The following RIMS2 variants were observed in gnomAD, a reference collection of about 807,000 sequenced individuals.
RIMS2 encodes regulating synaptic membrane exocytosis 2, also known as regulating synaptic membrane exocytosis protein 2.
RIMS2 carries 59 observed loss-of-function variants against 174.4 expected under a neutral mutation model. The observed-to-expected ratio is 0.34, with a 90% confidence interval of 0.27 to 0.42. RIMS2 has a LOEUF of 0.42. Ranked by LOEUF, RIMS2 falls within the 10% of genes least tolerant of loss-of-function variation. RIMS2 has a pLI of 1.00. For synonymous variants in RIMS2, 606 were observed against 572.5 expected, an observed-to-expected ratio of 1.06 and a Z score of -0.84; for missense variants, 1,620 against 1,666.3, an observed-to-expected ratio of 0.97 and a Z score of 0.48.
intron 1 of RIMS2, among the ~76,000 whole-genome samples, chr8:103,546,070 TA>T (rs1301239304): frequency 6.6e-6 from 1 of 151,980 alleles, no homozygotes; most frequent in Non-Finnish European, 1.5e-5. Flanking sequence ...ATGCCTCAGT[TA>T]AAAGGCACAG....
intron 3 of RIMS2, among the ~76,000 whole-genome samples, chr8:103,840,039 T>C (rs113952937): frequency 6.6e-6 from 1 of 152,204 alleles, no homozygotes; most frequent in Admixed American, 6.5e-5. Context: ...ATGTGAAGCT[T>C]ACCGCTTTCT....
At chr8:104,006,061 T>A (rs2095564113) in intron 17 of RIMS2, among the ~76,000 whole-genome samples, 1 of 152,134 alleles carries the variant, frequency 6.6e-6, no homozygotes, top group Non-Finnish European at 1.5e-5. Flanking sequence ...TTTCTCTACA[T>A]TACAAATCAT....
chr8:103,607,257 A>G (rs551776718), intron 1 of RIMS2, among the ~76,000 whole-genome samples: 2 of 152,064 alleles, frequency 1.3e-5, no homozygotes, highest in South Asian at 2.1e-4. Context: ...TCCTTCACTT[A>G]TGAAGCTTAG....
chr8:104,165,828 A>C (rs149948201), intron 19 of RIMS2, among the ~76,000 whole-genome samples: 1 of 152,302 alleles, frequency 6.6e-6, no homozygotes, highest in East Asian at 1.9e-4. Context: ...AAATTTCTAA[A>C]TATCCATTCA....
intron 1 of RIMS2, among the ~76,000 whole-genome samples, chr8:103,639,377 CAT>C (rs1407814440): frequency 2.0e-5 from 3 of 151,830 alleles, no homozygotes; most frequent in Admixed American, 2.0e-4. Flanking sequence ...TTTTGACAAA[CAT>C]GTAATTATCC....
At chr8:104,110,591 T>C (rs570389068) in intron 19 of RIMS2, among the ~76,000 whole-genome samples, 1 of 152,280 alleles carries the variant, frequency 6.6e-6, no homozygotes, top group African/African-American at 2.4e-5. Flanking sequence ...TTTTAAAATA[T>C]TCCAGCTATG....
intron 14 of RIMS2, among the ~76,000 whole-genome samples, chr8:103,959,578 TTTC>T (rs1367843651): frequency 6.6e-6 from 1 of 151,966 alleles, no homozygotes; most frequent in Non-Finnish European, 1.5e-5. Context: ...TAATATTTTT[TTTC>T]TTTTTTTATT....
At chr8:103,701,011 A>G (rs1396518292) in intron 2 of RIMS2, among the ~76,000 whole-genome samples, 1 of 152,024 alleles carries the variant, frequency 6.6e-6, no homozygotes, top group Non-Finnish European at 1.5e-5. Flanking sequence ...TGAGTTTCAA[A>G]TATTAAATAA....
chr8:103,927,722 G>A, intron 10 of RIMS2: 1 of 691,076 alleles, frequency 1.4e-6, no homozygotes, highest in South Asian at 1.7e-5. Flanking sequence ...ATATTGTCAT[G>A]GAAAAATTGT....
chr8:103,627,340 C>G (rs1012655576), intron 1 of RIMS2, among the ~76,000 whole-genome samples: 4 of 152,104 alleles, frequency 2.6e-5, no homozygotes, highest in Non-Finnish European at 5.9e-5. Flanking sequence ...TTATTCTGTT[C>G]TTTTTCAGGG....
chr8:103,506,595 C>T (rs1389357445), intron 1 of RIMS2, among the ~76,000 whole-genome samples: 1 of 151,950 alleles, frequency 6.6e-6, no homozygotes, highest in Non-Finnish European at 1.5e-5. Flanking sequence ...ACTAAGTATC[C>T]TGGCATAAGT....
intron 19 of RIMS2, among the ~76,000 whole-genome samples, chr8:104,106,344 A>G (rs1366546184): frequency 6.6e-6 from 1 of 152,128 alleles, no homozygotes; most frequent in African/African-American, 2.4e-5. Context: ...TGGTTATTCT[A>G]TCCTTATTCA....
Position 103,622,844 on chromosome 8 carries a change from C to A in RIMS2, c.177-74242C>A, listed in dbSNP as rs146360741. ...GCACATGTCTAAAACTCTTTATGTC[C>A]TTTTGTGATAAAATTACTCAAAACA... On this transcript the variant is annotated intron_variant, in intron 1 of 23. Coordinates refer to ENST00000504942, the Ensembl canonical transcript of RIMS2. Among the ~76,000 whole-genome samples the A allele has an allele frequency of 2.7e-3, 418 of 152,256 alleles. 2 individuals carry two copies. The highest frequency in any genetic ancestry group is 6.3e-3 in the Admixed American group (97 of 15,292).
At chr8:103,602,100 C>A (rs1312658551) in intron 1 of RIMS2, among the ~76,000 whole-genome samples, 1 of 152,160 alleles carries the variant, frequency 6.6e-6, no homozygotes, top group African/African-American at 2.4e-5. Flanking sequence ...ATTCTCCTGC[C>A]TCAGCCTCCT....
chr8:103,518,302 A>G (rs575787984), intron 1 of RIMS2, among the ~76,000 whole-genome samples: 27 of 151,998 alleles, frequency 1.8e-4, no homozygotes, highest in Admixed American at 1.3e-3. Flanking sequence ...CTGGGCCACA[A>G]TGGAAGAAGA....
chr8:103,964,024 A>G (rs538760700), intron 15 of RIMS2, among the ~76,000 whole-genome samples: 21 of 152,318 alleles, frequency 1.4e-4, no homozygotes, highest in African/African-American at 5.1e-4. Flanking sequence ...TTAGTGCTGA[A>G]TAATATTCCA....
At chr8:103,904,348 T>C (rs553388550) in intron 4 of RIMS2, among the ~76,000 whole-genome samples, 1 of 152,252 alleles carries the variant, frequency 6.6e-6, no homozygotes, top group East Asian at 1.9e-4. Context: ...GTTTCCACTT[T>C]TTGCCTGTTA....
At chr8:103,563,839 C>T (rs117638829) in intron 1 of RIMS2, among the ~76,000 whole-genome samples, 18,892 of 152,178 alleles carry the variant, frequency 0.12, 1,274 homozygotes, top group Middle Eastern at 0.22. Context: ...AGGAAAAAGT[C>T]ACATCTTACG....
At chr8:103,791,690 G>T (rs1271134766) in intron 3 of RIMS2, among the ~76,000 whole-genome samples, 1 of 152,046 alleles carries the variant, frequency 6.6e-6, no homozygotes, top group Non-Finnish European at 1.5e-5. Context: ...CACATGCAGA[G>T]ACACACATAG....
Sources: allele counts gnomAD v4.1 joint callset (sites outside exome capture counted in the v4.1 genomes callset), GRCh38; gene constraint gnomAD v4.1.1; transcripts MANE v1.5; gene names NCBI Gene and HGNC (gene_info 2026-07-23, HGNC 2026-07-21).